BCAS3: variants seen among roughly 807,000 people sequenced by gnomAD.
BCAS3 encodes BCAS3 microtubule associated cell migration factor.
A neutral mutation model predicts 116.1 loss-of-function variants in BCAS3; 53 were observed. The ratio of observed to expected loss-of-function variants is 0.46; its 90% confidence interval spans 0.37 to 0.57. The LOEUF (loss-of-function observed/expected upper bound fraction) is 0.57. Ranked by LOEUF, BCAS3 falls within the 20% of genes least tolerant of loss-of-function variation. The pLI is 0.00. For missense variants in BCAS3, 917 were observed against 1,165.4 expected, an observed-to-expected ratio of 0.79 and a Z score of 3.10; for synonymous variants, 391 against 408.2, an observed-to-expected ratio of 0.96 and a Z score of 0.51.
At chr17:60,683,058 C>T (rs546860065) in intron 2 of BCAS3, among the ~76,000 whole-genome samples, 11 of 152,268 alleles carry the variant, frequency 7.2e-5, no homozygotes, top group East Asian at 5.8e-4. Context: ...GCACATGCTA[C>T]TGCATCCAGC....
chr17:61,063,025 A>G lies in BCAS3; in HGVS notation c.2030-11895A>G, dbSNP rs1415853785. 6.6e-6 allele frequency among the ~76,000 whole-genome samples: 1 copy of G among 152,116 alleles called. No homozygotes were observed. Among genetic ancestry groups the G allele is most frequent in the African/African-American group, 2.4e-5 (1 of 41,416 alleles). On this transcript the variant is annotated intron_variant, in intron 19 of 23. Transcript: ENST00000407086. This position sits in a 1 kb window ranked among gnomAD's most constrained non-coding sequence, Gnocchi z 5.3. The stretch of plus-strand genomic sequence containing the variant: ...GCATTTTCCCACCAAAGCTTTGGCT[A>G]ATTTTCTCAAAGCATTCTCATAATC...
chr17:60,856,014 A>G (rs1372798768), intron 7 of BCAS3, among the ~76,000 whole-genome samples: 1 of 152,146 alleles, frequency 6.6e-6, no homozygotes, highest in Non-Finnish European at 1.5e-5. Context: ...CTATTCATGC[A>G]TCTATATAAT....
intron 14 of BCAS3, among the ~76,000 whole-genome samples, chr17:60,949,292 C>T (rs1213485854): frequency 2.0e-5 from 3 of 152,160 alleles, no homozygotes; most frequent in Non-Finnish European, 4.4e-5. Context: ...GGGTCTTGCT[C>T]TGTTGTCCAG....
At chr17:61,389,848 A>G (rs2060039833) in intron 23 of BCAS3, 1 of 152,162 alleles carries the variant, frequency 6.6e-6, no homozygotes, top group Non-Finnish European at 1.5e-5. Flanking sequence ...CTGGGGGCCT[A>G]TGCCAAGGGA....
At chr17:61,311,636 T>C (rs953972385) in intron 22 of BCAS3, among the ~76,000 whole-genome samples, 6 of 152,186 alleles carry the variant, frequency 3.9e-5, no homozygotes, top group Non-Finnish European at 7.3e-5. Flanking sequence ...GGCTCACGCC[T>C]GTAATCCCAG....
At position 61,367,546 on chromosome 17, in the gene BCAS3, A is replaced by G. The variant is rs1014220725; in HGVS notation, c.2426-781A>G. 1.3e-5 allele frequency: 2 copies of G among 152,164 alleles called. No individual in the cohort carries two copies. Among genetic ancestry groups the G allele is most frequent in the Admixed American group, 6.5e-5 (1 of 15,274 alleles). 9.4% of individuals were successfully genotyped at this position (152,164 alleles called of 1,614,324 possible). On this transcript the variant is annotated intron_variant, in intron 22 of 23. Coordinates refer to ENST00000407086, the MANE Select transcript of BCAS3 (RefSeq NM_017679.5). The surrounding 1 kb of genome is among the most constrained non-coding windows in gnomAD (Gnocchi z 6.2). Reference sequence around the variant, plus strand: ...CCCACCTCCTTGCTGGTATCCCCCAAAGTAATTCCCTGGTTGTTCATATGC... The same window carrying G: ...CCCACCTCCTTGCTGGTATCCCCCAGAGTAATTCCCTGGTTGTTCATATGC...
chr17:60,949,649 C>T (rs963140148), intron 14 of BCAS3, among the ~76,000 whole-genome samples: 1 of 152,116 alleles, frequency 6.6e-6, no homozygotes, highest in Non-Finnish European at 1.5e-5. Context: ...TACAGGCATA[C>T]AATGCGTAAT....
chr17:60,717,372 C>T (rs1179840794), intron 5 of BCAS3, among the ~76,000 whole-genome samples: 3 of 151,862 alleles, frequency 2.0e-5, no homozygotes, highest in African/African-American at 4.8e-5. Flanking sequence ...TGCGCCACCA[C>T]GCCTGGGTAC....
rs1482325411 is a variant in BCAS3 at position 61,337,304 on chromosome 17, G to C, written c.2426-31023G>C. Reference sequence around the variant, plus strand: ...GAAGTTATTGGTGGAGAGCACTGGTGTTCCTGGCTAATGTGGGGTCTGTGA... The same window carrying C: ...GAAGTTATTGGTGGAGAGCACTGGTCTTCCTGGCTAATGTGGGGTCTGTGA... On this transcript the variant is annotated intron_variant, in intron 22 of 23. Transcript: ENST00000407086. The surrounding 1 kb of genome is among the most constrained non-coding windows in gnomAD (Gnocchi z 4.8). 6.6e-6 allele frequency among the ~76,000 whole-genome samples: 1 copy of C among 152,202 alleles called. No homozygotes were observed. The highest frequency in any genetic ancestry group is 1.5e-5 in the Non-Finnish European group (1 of 68,038).
rs750058246 is a variant in BCAS3 at position 61,181,756 on chromosome 17, G to A, written c.2425+97192G>A. Among the ~76,000 whole-genome samples, 80 of 152,090 alleles carry A rather than the reference G, an allele frequency of 5.3e-4. 1 individual carries two copies. The highest frequency in any genetic ancestry group is 9.6e-4 in the Non-Finnish European group (65 of 68,020). On this transcript the variant is annotated intron_variant, in intron 22 of 23. Transcript: ENST00000407086. The surrounding 1 kb of genome is among the most constrained non-coding windows in gnomAD (Gnocchi z 5.0). ...TCCACCATGATTTTTTTCATTGTCT[G>A]CTGTAACTAAGTTTGCCTTTATTCT...
intron 13 of BCAS3, among the ~76,000 whole-genome samples, chr17:60,928,402 T>C (rs1193040687): frequency 6.6e-6 from 1 of 152,232 alleles, no homozygotes; most frequent in Non-Finnish European, 1.5e-5. Context: ...TTGTGAACCA[T>C]AGTCTGTATA....
chr17:61,349,841 G>A lies in BCAS3; in HGVS notation c.2426-18486G>A, dbSNP rs1427811967. Among the ~76,000 whole-genome samples, 4 of 152,164 alleles carry A rather than the reference G, an allele frequency of 2.6e-5. No homozygotes were observed. Among genetic ancestry groups the A allele is most frequent in the East Asian group, 1.9e-4 (1 of 5,188 alleles). On this transcript the variant is annotated intron_variant, in intron 22 of 23. Coordinates refer to ENST00000407086, the MANE Select transcript of BCAS3 (RefSeq NM_017679.5). The surrounding 1 kb of genome is among the most constrained non-coding windows in gnomAD (Gnocchi z 4.7). ...GAGTGATTTTGTACATAAGGCCTTCGTCTCTACCAAAGGTATTAGCATAGA... is the reference window on the plus strand; with the variant it reads ...GAGTGATTTTGTACATAAGGCCTTCATCTCTACCAAAGGTATTAGCATAGA...
chr17:61,124,270 GT>G lies in BCAS3; in HGVS notation c.2425+39707del, dbSNP rs1363930156. Among the ~76,000 whole-genome samples the G allele has an allele frequency of 6.6e-6, 1 of 152,012 alleles. No homozygotes were observed. Among genetic ancestry groups the G allele is most frequent in the Non-Finnish European group, 1.5e-5 (1 of 67,996 alleles). ...TCTCCTCCACAAAATGAAACATGAA[GT>G]GATAATACCATTAATCTATTAACAA... On this transcript the variant is annotated intron_variant, in intron 22 of 23. Coordinates refer to ENST00000407086, the MANE Select transcript of BCAS3 (RefSeq NM_017679.5). This position sits in a 1 kb window ranked among gnomAD's most constrained non-coding sequence, Gnocchi z 4.6.
At chr17:61,148,766 A>G (rs1462762268) in intron 22 of BCAS3, among the ~76,000 whole-genome samples, 6 of 152,210 alleles carry the variant, frequency 3.9e-5, no homozygotes, top group Admixed American at 2.0e-4. Context: ...GTCTCCCTCC[A>G]AAAACTATGT....
chr17:61,373,337 G>A (rs573693477), intron 23 of BCAS3, among the ~76,000 whole-genome samples: 34 of 151,884 alleles, frequency 2.2e-4, no homozygotes, highest in Admixed American at 8.5e-4. Context: ...TGATCTGTCC[G>A]CATCAGCCTC....
intron 7 of BCAS3, among the ~76,000 whole-genome samples, chr17:60,832,428 G>A (rs186179709): frequency 6.6e-6 from 1 of 151,986 alleles, no homozygotes; most frequent in Non-Finnish European, 1.5e-5. Flanking sequence ...TATTGTGACA[G>A]GATTTAAAAA....
chr17:61,232,695 T>A (rs1477248850), intron 22 of BCAS3, among the ~76,000 whole-genome samples: 18 of 152,320 alleles, frequency 1.2e-4, no homozygotes, highest in African/African-American at 4.3e-4. Flanking sequence ...GAAAATTCTT[T>A]GCAAATCCTA....
chr17:61,114,189 T>C (rs2075278080), intron 22 of BCAS3, among the ~76,000 whole-genome samples: 1 of 132,592 alleles, frequency 7.5e-6, no homozygotes, highest in Non-Finnish European at 1.6e-5. Flanking sequence ...AAGACAGGGA[T>C]GCCCTCTCTC....
chr17:60,905,253 G>T (rs1475368086), intron 11 of BCAS3, among the ~76,000 whole-genome samples: 1 of 152,078 alleles, frequency 6.6e-6, no homozygotes, highest in African/African-American at 2.4e-5. Context: ...CAGTATATAG[G>T]ACGCTATATA....
Sources: allele counts gnomAD v4.1 joint callset (sites outside exome capture counted in the v4.1 genomes callset), GRCh38; gene constraint gnomAD v4.1.1; non-coding constraint Gnocchi (gnomAD v3.1); transcripts MANE v1.5; gene names NCBI Gene and HGNC (gene_info 2026-07-23, HGNC 2026-07-21).